Variants in LRP12 observed in about 807,000 individuals in gnomAD.
LRP12 encodes the protein low-density lipoprotein receptor-related protein 12.
A neutral mutation model predicts 66.0 loss-of-function variants in LRP12; 14 were observed. That is an observed-to-expected ratio of 0.21 (90% CI 0.14 to 0.33). The LOEUF is 0.33. Ranked by LOEUF, LRP12 falls within the 10% of genes least tolerant of loss-of-function variation. LRP12 has a pLI of 1.00. For missense variants in LRP12, 889 were observed against 1,053.4 expected, an observed-to-expected ratio of 0.84 and a Z score of 2.16; for synonymous variants, 357 against 359.1, an observed-to-expected ratio of 0.99 and a Z score of 0.07.
intron 2 of LRP12, 60 bp downstream of exon 2, chr8:104,531,847 C>T: frequency 4.6e-6 from 5 of 1,098,602 alleles, no homozygotes; most frequent in Non-Finnish European, 6.8e-6. Context: ...TACCAGGTGG[C>T]TTTCAATATT....
chr8:104,548,337 A>ATATAT (rs1391882535), intron 1 of LRP12, among the ~76,000 whole-genome samples: 1 of 8,352 alleles, frequency 1.2e-4, no homozygotes, highest in Admixed American at 3.1e-3. Context: ...TATATTATAT[A>ATATAT]AATATATAAA....
chr8:104,547,314 A>G (rs1811588477), intron 1 of LRP12, among the ~76,000 whole-genome samples: 1 of 138,678 alleles, frequency 7.2e-6, no homozygotes, highest in Admixed American at 7.7e-5. Context: ...ATAATATACA[A>G]TTCTGTTATA....
At chr8:104,556,220 T>C (rs569957460) in intron 1 of LRP12, among the ~76,000 whole-genome samples, 117 of 151,948 alleles carry the variant, frequency 7.7e-4, no homozygotes, top group Non-Finnish European at 1.2e-3. Context: ...AGAACACAAA[T>C]AGACAACTTA....
intron 2 of LRP12, among the ~76,000 whole-genome samples, chr8:104,528,428 A>G (rs1811276640): frequency 6.6e-6 from 1 of 152,168 alleles, no homozygotes; most frequent in African/African-American, 2.4e-5. Flanking sequence ...AGGATTTCAG[A>G]AAGCTTATAC....
At chr8:104,588,720 C>T in intron 1 of LRP12, 99 bp downstream of exon 1, 1 of 993,184 alleles carries the variant, frequency 1.0e-6, no homozygotes, top group East Asian at 2.9e-5. Context: ...GCCAGGGTCT[C>T]CGCGGGAGTC....
At chr8:104,508,841 G>T in intron 3 of LRP12, 98 bp downstream of exon 3, 1 of 1,117,680 alleles carries the variant, frequency 8.9e-7, no homozygotes, top group Non-Finnish European at 1.3e-6. Context: ...CTCCTGAAAA[G>T]CCTTCTTTTT....
intron 3 of LRP12, 75 bp downstream of exon 3, chr8:104,508,864 G>A (rs1810947024): frequency 7.6e-7 from 1 of 1,322,306 alleles, no homozygotes; most frequent in African/African-American, 1.5e-5. Context: ...ATTACTGCAT[G>A]TTAAGTAATA....
chr8:104,506,802 CTT>C (rs1044919227), intron 3 of LRP12: 2 of 152,108 alleles, frequency 1.3e-5, no homozygotes, highest in Non-Finnish European at 2.9e-5. Flanking sequence ...GTAAAAATGC[CTT>C]TATTTCACCA....
In LRP12 at chr8:104,539,274, A is replaced by G. The variant is rs540867687; in HGVS notation, c.80-7311T>C. 2.0e-5 allele frequency among the ~76,000 whole-genome samples: 3 copies of G among 151,888 alleles called. No homozygotes were observed. The South Asian group carries it at 6.2e-4, about 31-fold the overall frequency. Reference sequence around the variant, plus strand: ...ACTTATATTGATTTAAAAAGAAAGCATATTTGTTCTTTTAGAGATGCACTC... The same window carrying G: ...ACTTATATTGATTTAAAAAGAAAGCGTATTTGTTCTTTTAGAGATGCACTC... On this transcript the variant is annotated intron_variant, in intron 1 of 6. Transcript: ENST00000276654.
intron 2 of LRP12, among the ~76,000 whole-genome samples, chr8:104,516,139 A>C (rs149337427): frequency 3.0e-4 from 46 of 152,310 alleles, no homozygotes; most frequent in African/African-American, 1.0e-3. Context: ...AGTACTTTGG[A>C]TAATGATGAT....
chr8:104,552,384 T>G (rs1423237647), intron 1 of LRP12, among the ~76,000 whole-genome samples: 1 of 151,724 alleles, frequency 6.6e-6, no homozygotes, highest in African/African-American at 2.4e-5. Flanking sequence ...TGTTTTTTTT[T>G]TTTTGCCGGG....
At chr8:104,515,942 T>TGG (rs1811066842) in intron 2 of LRP12, among the ~76,000 whole-genome samples, 1 of 152,310 alleles carries the variant, frequency 6.6e-6, no homozygotes, top group Middle Eastern at 3.4e-3. Flanking sequence ...TTTATAAAGA[T>TGG]GGGGTCTCCC....
At chr8:104,511,736 A>AG (rs1012167566) in intron 2 of LRP12, among the ~76,000 whole-genome samples, 2 of 152,182 alleles carry the variant, frequency 1.3e-5, no homozygotes, top group African/African-American at 4.8e-5. Context: ...ATTCTACTGC[A>AG]GAAAAAAAAG....
At chr8:104,557,935 C>T (rs572913855) in intron 1 of LRP12, among the ~76,000 whole-genome samples, 69 of 152,138 alleles carry the variant, frequency 4.5e-4, no homozygotes, top group Admixed American at 9.2e-4. Flanking sequence ...ATAGGCCTAG[C>T]GCAGTGGTTC....
intron 1 of LRP12, among the ~76,000 whole-genome samples, chr8:104,533,582 A>G (rs933031572): frequency 6.6e-6 from 1 of 152,112 alleles, no homozygotes; most frequent in African/African-American, 2.4e-5. Flanking sequence ...CTACTTCTAT[A>G]TTATACATTG....
chr8:104,516,605 C>T (rs1177272716), intron 2 of LRP12, among the ~76,000 whole-genome samples: 1 of 151,986 alleles, frequency 6.6e-6, no homozygotes, highest in African/African-American at 2.4e-5. Flanking sequence ...ACACTGAAGA[C>T]TTCTTGTTTT....
At chr8:104,532,178 T>G (rs1321638605) in intron 1 of LRP12, among the ~76,000 whole-genome samples, 1 of 151,922 alleles carries the variant, frequency 6.6e-6, no homozygotes, top group Non-Finnish European at 1.5e-5. Flanking sequence ...AAGGTAGTGT[T>G]ATATATAAAG....
intron 3 of LRP12, chr8:104,506,342 T>C (rs762296331): frequency 2.0e-5 from 3 of 152,188 alleles, no homozygotes; most frequent in Non-Finnish European, 4.4e-5. Context: ...TGGAGTAAAT[T>C]TGAGTTCCAA....
At chr8:104,547,479 C>A (rs909406596) in intron 1 of LRP12, among the ~76,000 whole-genome samples, 2 of 127,122 alleles carry the variant, frequency 1.6e-5, no homozygotes, top group African/African-American at 5.9e-5. Context: ...ATTTTGTATA[C>A]AATATATAAT....
Sources: gnomAD v4.1 joint callset for allele counts (sites outside exome capture counted in the v4.1 genomes callset) on GRCh38, gnomAD v4.1.1 for gene constraint, MANE v1.5 for transcripts, NCBI Gene and HGNC (gene_info 2026-07-23, HGNC 2026-07-21) for gene names.